The following RAD51 variants were observed in gnomAD, a reference collection of about 807,000 sequenced individuals.
RAD51 encodes DNA repair protein RAD51 homolog 1.
Under a neutral mutation model 41.5 loss-of-function variants are expected in RAD51, and 14 were observed. The ratio of observed to expected loss-of-function variants is 0.34; its 90% confidence interval spans 0.22 to 0.53. The LOEUF (loss-of-function observed/expected upper bound fraction) is 0.53. RAD51 is among the 20% of genes least tolerant of loss of function. The probability of loss-of-function intolerance (pLI) is 0.95; values close to 1 mark genes in which losing one functional copy is unlikely to be tolerated. For synonymous variants in RAD51, 136 were observed against 148.6 expected, an observed-to-expected ratio of 0.92 and a Z score of 0.62; for missense variants, 234 against 422.0, an observed-to-expected ratio of 0.55 and a Z score of 3.90.
intron 5 of RAD51, 121 bp downstream of exon 5, chr15:40,709,237 G>A: frequency 2.4e-6 from 2 of 822,360 alleles, no homozygotes; most frequent in Non-Finnish European, 4.0e-6. Flanking sequence ...TCTTATAGCT[G>A]TTAATAGTTA....
Position 40,731,251 on chromosome 15 carries a change from C to G in RAD51, c.*73C>G, listed in dbSNP as rs955189786. 1 of 1,587,294 alleles carries G rather than the reference C, an allele frequency of 6.3e-7. No homozygotes were observed. The highest frequency in any genetic ancestry group is 1.3e-5 in the African/African-American group (1 of 74,330). On this transcript the variant is annotated 3_prime_UTR_variant, in exon 10 of 10. Transcript: ENST00000267868. ...TGAGAGTGCACTGCTCCCTGGGGTT[C>G]TCTACAGGCCTCTTCCTGTTGTGAC... is the stretch of plus-strand genomic sequence containing the variant.
At chr15:40,718,584 C>G (rs892803601) in intron 5 of RAD51, among the ~76,000 whole-genome samples, 4 of 151,836 alleles carry the variant, frequency 2.6e-5, no homozygotes, top group African/African-American at 7.3e-5. Flanking sequence ...CAGTCCAGTT[C>G]TGACAGGACT....
In RAD51 at chr15:40,731,314, C is replaced by CAGAAAAGCTGATATAAT; in HGVS notation, c.*138_*139insAAAAGCTGATATAATAG. 8.4e-7 allele frequency: 1 copy of CAGAAAAGCTGATATAAT among 1,185,476 alleles called. No homozygotes were observed. Among genetic ancestry groups the CAGAAAAGCTGATATAAT allele is most frequent in the Non-Finnish European group, 1.2e-6 (1 of 818,984 alleles). The allele number at this position is 1,185,476 out of a possible 1,614,324, so 73.4% of individuals were successfully genotyped here. A position where few individuals can be genotyped will look rare whatever the true frequency, so the allele number is the denominator to read the frequency against. ...GCTTCCGGGAAAACAGCTATTATAT[C>CAGAAAAGCTGATATAAT]AGCTTTTCTGATGGTATAAACAGGA... On this transcript the variant is annotated 3_prime_UTR_variant, in exon 10 of 10. Coordinates refer to ENST00000267868, the MANE Select transcript of RAD51 (RefSeq NM_002875.5).
At chr15:40,698,471 C>G (rs1171488622) in intron 1 of RAD51, among the ~76,000 whole-genome samples, 1 of 152,160 alleles carries the variant, frequency 6.6e-6, no homozygotes, top group Non-Finnish European at 1.5e-5. Flanking sequence ...CAGGCATGAG[C>G]CACCGCGCCC....
At chr15:40,724,842 C>A (rs1416891380) in intron 6 of RAD51, among the ~76,000 whole-genome samples, 1 of 143,532 alleles carries the variant, frequency 7.0e-6, no homozygotes, top group Non-Finnish European at 1.5e-5. Flanking sequence ...CCACACCCGG[C>A]TAATTTTTTT....
At chr15:40,714,797 C>CT (rs1449987469) in intron 5 of RAD51, among the ~76,000 whole-genome samples, 19 of 152,170 alleles carry the variant, frequency 1.2e-4, no homozygotes, top group Non-Finnish European at 2.6e-4. Context: ...AGGTCTCTCT[C>CT]TAATAGAAAA....
chr15:40,707,830 G>GC (rs1161029476), intron 4 of RAD51, among the ~76,000 whole-genome samples: 1 of 151,970 alleles, frequency 6.6e-6, no homozygotes, highest in Non-Finnish European at 1.5e-5. Context: ...CAGTTCTCCT[G>GC]CCTCAGTCTC....
In RAD51 at chr15:40,722,444, T is replaced by A. The variant is rs115496726; in HGVS notation, c.530+3545T>A. Among the ~76,000 whole-genome samples the A allele has an allele frequency of 4.7e-3, 702 of 148,272 alleles. 12 individuals are homozygous for A. The highest frequency in any genetic ancestry group is 0.016 in the African/African-American group (664 of 40,418). On this transcript the variant is annotated intron_variant, in intron 6 of 9. Transcript: ENST00000267868. ...AAAAAAAAAAAAAAAGGACAAAAAC[T>A]GTATGATTCCACTAACATGTGGTAC...
chr15:40,721,222 A>G (rs1359706660), intron 6 of RAD51, among the ~76,000 whole-genome samples: 1 of 152,308 alleles, frequency 6.6e-6, no homozygotes, highest in East Asian at 1.9e-4. Flanking sequence ...CTATAGATTC[A>G]ACCCAATCCT....
At chr15:40,726,266 G>A (rs570450439) in intron 6 of RAD51, among the ~76,000 whole-genome samples, 9 of 146,154 alleles carry the variant, frequency 6.2e-5, no homozygotes, top group Non-Finnish European at 1.4e-4. Context: ...TTTTTGAGAC[G>A]GAGTTTCACT....
At chr15:40,718,465 C>T (rs113473670) in intron 5 of RAD51, among the ~76,000 whole-genome samples, 226 of 151,224 alleles carry the variant, frequency 1.5e-3, no homozygotes, top group African/African-American at 5.3e-3. Context: ...TTGCAGTGAA[C>T]CGAGATAACG....
chr15:40,712,747 G>A (rs1895766713), intron 5 of RAD51, among the ~76,000 whole-genome samples: 1 of 152,046 alleles, frequency 6.6e-6, no homozygotes, highest in Non-Finnish European at 1.5e-5. Context: ...TCTGCCATGG[G>A]CACAACTTAC....
chr15:40,702,710 G>A (rs1895079494), intron 3 of RAD51, among the ~76,000 whole-genome samples: 1 of 151,796 alleles, frequency 6.6e-6, no homozygotes, highest in Admixed American at 6.6e-5. Flanking sequence ...TTGAGACGGG[G>A]TTTCACCATG....
intron 4 of RAD51, among the ~76,000 whole-genome samples, chr15:40,707,922 T>C (rs544927477): frequency 6.6e-6 from 1 of 151,746 alleles, no homozygotes; most frequent in South Asian, 2.1e-4. Context: ...TTCACCGTCT[T>C]GGCCAGGCTG....
chr15:40,708,518 G>A (rs1457921061), intron 4 of RAD51, among the ~76,000 whole-genome samples: 2 of 149,440 alleles, frequency 1.3e-5, no homozygotes, highest in East Asian at 2.0e-4. Context: ...GTGAGCCACC[G>A]CACCTGGCCT....
At chr15:40,727,869 T>G (rs899914991) in intron 6 of RAD51, among the ~76,000 whole-genome samples, 17 of 150,818 alleles carry the variant, frequency 1.1e-4, no homozygotes, top group Admixed American at 4.0e-4. Context: ...TCTTTTTTTT[T>G]TTTTTTTTGA....
intron 6 of RAD51, among the ~76,000 whole-genome samples, chr15:40,719,386 T>C (rs553856622): frequency 7.8e-6 from 1 of 128,626 alleles, no homozygotes; most frequent in African/African-American, 2.7e-5. Flanking sequence ...AGAGTTGCTG[T>C]CAGACTGGAT....
rs777561646 is a variant in RAD51 at position 40,706,205 on chromosome 15, G to A, written c.254G>A (p.Gly85Asp). 4.3e-6 allele frequency: 7 copies of A among 1,613,916 alleles called. No individual in the cohort carries two copies. Among genetic ancestry groups the A allele is most frequent in the Non-Finnish European group, 5.9e-6 (7 of 1,179,910 alleles). Residue 85 changes from glycine (G) to aspartate (D), a missense_variant, in exon 4 of 10, where the codon GGT (glycine) becomes GAT (aspartate). By Grantham distance (94) the Gly-to-Asp change is moderately conservative (BLOSUM62 -1). Coordinates refer to ENST00000267868, the MANE Select transcript of RAD51 (RefSeq NM_002875.5). ...LAEAAKLVPMGFTTATEFHQR... is the reference protein window; with the variant it reads ...LAEAAKLVPMDFTTATEFHQR... ...GAGGCAGCTAAATTAGTTCCAATGG[G>A]TTTCACCACTGCAACTGAATTCCAC...
chr15:40,708,883 A>G (rs1895520528), intron 4 of RAD51, 142 bp from the exon 5 acceptor site: 2 of 797,332 alleles, frequency 2.5e-6, no homozygotes, highest in Non-Finnish European at 4.2e-6. Flanking sequence ...CTCAAAATAC[A>G]TTTGTGAAAA....
Sources: gnomAD v4.1 joint callset for allele counts (sites outside exome capture counted in the v4.1 genomes callset) on GRCh38, gnomAD v4.1.1 for gene constraint, MANE v1.5 for transcripts, NCBI Gene and HGNC (gene_info 2026-07-23, HGNC 2026-07-21) for gene names.